Variants in KIRREL1 observed in about 807,000 individuals in gnomAD.
KIRREL1 encodes kirre like nephrin family adhesion molecule 1.
A neutral mutation model predicts 83.3 loss-of-function variants in KIRREL1; 25 were observed. That is an observed-to-expected ratio of 0.30 (90% CI 0.22 to 0.42). The LOEUF (loss-of-function observed/expected upper bound fraction) is 0.42. KIRREL1 is among the 10% of genes least tolerant of loss of function. The pLI is 1.00. For synonymous variants in KIRREL1, 388 were observed against 410.4 expected, an observed-to-expected ratio of 0.95 and a Z score of 0.66; for missense variants, 812 against 1,032.3, an observed-to-expected ratio of 0.79 and a Z score of 2.92.
chr1:158,070,257 G>A (rs1661475417), intron 1 of KIRREL1, among the ~76,000 whole-genome samples: 1 of 152,198 alleles, frequency 6.6e-6, no homozygotes, highest in South Asian at 2.1e-4. Context: ...CCATTCTGGA[G>A]AGACACCCGG....
intron 1 of KIRREL1, chr1:158,031,104 T>G (rs1168906968): frequency 2.0e-5 from 3 of 152,168 alleles, no homozygotes; most frequent in Admixed American, 2.0e-4. Context: ...AACAAAAGTG[T>G]TAATTAGACA....
intron 11 of KIRREL1, 38 bp from the exon 12 acceptor site, chr1:158,093,301 C>G: frequency 6.4e-7 from 1 of 1,556,956 alleles, no homozygotes; most frequent in Non-Finnish European, 8.9e-7. Flanking sequence ...CAGTATAACT[C>G]CAGCCTCACC....
At position 158,097,269 on chromosome 1, in the gene KIRREL1, AT is replaced by A. The variant is rs1662379155; in HGVS notation, c.*2150del. ...ATTATTTTCACAAAAACCAGAAACC[AT>A]GGGGGAATCCAAAGACTTGAAGTCT... On this transcript the variant is annotated 3_prime_UTR_variant, in exon 15 of 15. Coordinates refer to ENST00000359209, the MANE Select transcript of KIRREL1 (RefSeq NM_018240.7). The A allele has an allele frequency of 3.4e-6, 1 of 291,152 alleles. No individual in the cohort carries two copies. The highest frequency in any genetic ancestry group is 2.7e-5 in the South Asian group (1 of 36,824). The allele number at this position is 291,152 out of a possible 1,614,324, so 18.0% of individuals were successfully genotyped here.
chr1:158,024,241 G>C (rs1345313550), intron 1 of KIRREL1, among the ~76,000 whole-genome samples: 1 of 144,272 alleles, frequency 6.9e-6, no homozygotes, highest in African/African-American at 2.6e-5. Flanking sequence ...GAGCCACTGC[G>C]CCCGGCCTGG....
intron 1 of KIRREL1, among the ~76,000 whole-genome samples, chr1:158,024,617 T>C (rs1437808365): frequency 6.6e-6 from 1 of 152,114 alleles, no homozygotes; most frequent in African/African-American, 2.4e-5. Context: ...TAACAGGTAG[T>C]GTAGGAAGTG....
Position 158,069,338 on chromosome 1 carries a change from G to A in KIRREL1, c.53-6775G>A, listed in dbSNP as rs955424655. On this transcript the variant is annotated intron_variant, in intron 1 of 14. Transcript: ENST00000359209. ...TGTGTGTGTGTGTGTGTGTGTGTGTGTGTGTGAATCTAAGCATTTCCAGCC... is the reference window on the plus strand; with the variant it reads ...TGTGTGTGTGTGTGTGTGTGTGTGTATGTGTGAATCTAAGCATTTCCAGCC... Among the ~76,000 whole-genome samples, 169 of 150,376 alleles carry A rather than the reference G, an allele frequency of 1.1e-3. 1 individual carries two copies. The highest frequency in any genetic ancestry group is 3.9e-3 in the African/African-American group (160 of 40,578).
intron 1 of KIRREL1, among the ~76,000 whole-genome samples, chr1:158,047,936 C>T (rs1172982777): frequency 2.6e-5 from 4 of 152,208 alleles, no homozygotes; most frequent in African/African-American, 9.7e-5. Flanking sequence ...CTGGTTTCTG[C>T]AAAAGAATCT....
rs771817235 is a variant in KIRREL1 at position 158,093,708 on chromosome 1, G to A, written c.1665G>A (p.Glu555=). 9.9e-6 allele frequency: 16 copies of A among 1,614,214 alleles called. No individual in the cohort carries two copies. The highest frequency in any genetic ancestry group is 1.7e-5 in the Admixed American group (1 of 60,016). Residue 555 remains glutamate, a synonymous_variant, in exon 13 of 15, where the codon GAG becomes GAA. Coordinates refer to ENST00000359209, the MANE Select transcript of KIRREL1 (RefSeq NM_018240.7). ...REPLTMHSDR[E]DDTASVSTAT... ...CACTTACGATGCATTCTGACCGGGA[G>A]GATGACACCGCCAGCGTCTCCACAG... is the stretch of plus-strand genomic sequence containing the variant.
Position 158,086,717 on chromosome 1 carries a change from A to G in KIRREL1, c.632A>G (p.Lys211Arg). 1 of 1,551,376 alleles carries G rather than the reference A, an allele frequency of 6.4e-7. No homozygotes were observed. The highest frequency in any genetic ancestry group is 8.7e-7 in the Non-Finnish European group (1 of 1,146,898). The change falls in exon 5 of 15, where the codon AAG becomes AGG. Residue 211 changes from lysine (K) to arginine (R), a missense_variant. Transcript: ENST00000359209. ...RSMNEAIPSG[K>R]ETSIELDVHH... ...ATGAACGAAGCCATCCCTAGTGGCA[A>G]GGAGACTTCCATCGAGCTGGATGTG...
intron 1 of KIRREL1, among the ~76,000 whole-genome samples, chr1:158,037,567 T>G (rs1660512207): frequency 6.7e-6 from 1 of 150,214 alleles, no homozygotes; most frequent in Admixed American, 6.6e-5. Context: ...AGTGAATCAA[T>G]GTCTATAAAA....
At position 158,094,017 on chromosome 1, in the gene KIRREL1, A is replaced by G. The variant is rs979626920; in HGVS notation, c.1719+255A>G. On this transcript the variant is annotated intron_variant, in intron 13 of 14. Transcript: ENST00000359209. This position sits in a 1 kb window ranked among gnomAD's most constrained non-coding sequence, Gnocchi z 4.6. The stretch of plus-strand genomic sequence containing the variant: ...CAGTGTGTGAAAGTTGGAAGCCCCC[A>G]GAGGCTTTCTGGTCCATCTGCCTCA... Among the ~76,000 whole-genome samples, 1 of 152,234 alleles carries G rather than the reference A, an allele frequency of 6.6e-6. No homozygotes were observed. Among genetic ancestry groups the G allele is most frequent in the African/African-American group, 2.4e-5 (1 of 41,466 alleles).
chr1:158,096,979 T>A lies in KIRREL1; in HGVS notation c.*1859T>A, dbSNP rs1369327417. The A allele has an allele frequency of 2.2e-6, 1 of 456,880 alleles. No homozygotes were observed. Among genetic ancestry groups the A allele is most frequent in the Non-Finnish European group, 4.4e-6 (1 of 226,996 alleles). 28.3% of individuals were successfully genotyped at this position (456,880 alleles called of 1,614,324 possible). On this transcript the variant is annotated 3_prime_UTR_variant, in exon 15 of 15. Transcript: ENST00000359209. ...GGATGGGTCTGGGGGGCGACATTCC[T>A]GGCCAACCCCTTGTAGGAAGGACCA...
chr1:158,086,033 G>A (rs1662003174), intron 4 of KIRREL1, among the ~76,000 whole-genome samples: 1 of 152,186 alleles, frequency 6.6e-6, no homozygotes, highest in African/African-American at 2.4e-5. Flanking sequence ...CAGAAGAGAA[G>A]GGATTTGCGC....
At chr1:158,077,665 C>G (rs1661722864) in intron 2 of KIRREL1, among the ~76,000 whole-genome samples, 1 of 152,230 alleles carries the variant, frequency 6.6e-6, no homozygotes, top group Non-Finnish European at 1.5e-5. Flanking sequence ...CCCTCTCTCC[C>G]CCTCTCCTTT....
intron 10 of KIRREL1, among the ~76,000 whole-genome samples, chr1:158,090,800 A>G (rs988489058): frequency 2.0e-5 from 3 of 152,228 alleles, no homozygotes; most frequent in Non-Finnish European, 2.9e-5. Flanking sequence ...TTAGAATCAC[A>G]GACTATCAGA....
intron 1 of KIRREL1, among the ~76,000 whole-genome samples, chr1:158,040,450 A>G (rs1237846324): frequency 6.6e-6 from 1 of 152,366 alleles, no homozygotes; most frequent in South Asian, 2.1e-4. Flanking sequence ...CTACTCCAGC[A>G]AAGGTTTGAT....
rs1024619656 is a variant in KIRREL1, at chr1:158,008,922, G to A, written c.52+15194G>A. Among the ~76,000 whole-genome samples the A allele has an allele frequency of 2.0e-5, 3 of 152,146 alleles. No homozygotes were observed. The South Asian group carries it at 6.2e-4, about 32-fold the overall frequency. On this transcript the variant is annotated intron_variant, in intron 1 of 14. Coordinates refer to ENST00000359209, the MANE Select transcript of KIRREL1 (RefSeq NM_018240.7). ...GGACAGGATGTAATGGAAAAAGGGA[G>A]GGAGGGGACACCATTCCTGCTGGGC...
rs749865993 is a variant in KIRREL1 at position 158,096,971 on chromosome 1, G to A, written c.*1851G>A. 7.4e-5 allele frequency: 34 copies of A among 456,670 alleles called. No homozygotes were observed. Among genetic ancestry groups the A allele is most frequent in the Admixed American group, 7.0e-5 (3 of 42,566 alleles). 28.3% of individuals were successfully genotyped at this position (456,670 alleles called of 1,614,324 possible). The stretch of plus-strand genomic sequence containing the variant: ...ACCCTTATGGATGGGTCTGGGGGGC[G>A]ACATTCCTGGCCAACCCCTTGTAGG... On this transcript the variant is annotated 3_prime_UTR_variant, in exon 15 of 15. Coordinates refer to ENST00000359209, the MANE Select transcript of KIRREL1 (RefSeq NM_018240.7).
intron 1 of KIRREL1, among the ~76,000 whole-genome samples, chr1:157,994,422 TG>T (rs1168534202): frequency 3.4e-5 from 1 of 29,538 alleles, no homozygotes; most frequent in Non-Finnish European, 7.4e-5. Context: ...GCAGAGGCGG[TG>T]GGGGGAGGGG....
Sources: allele counts gnomAD v4.1 joint callset (sites outside exome capture counted in the v4.1 genomes callset), GRCh38; gene constraint gnomAD v4.1.1; non-coding constraint Gnocchi (gnomAD v3.1); transcripts MANE v1.5; gene names NCBI Gene and HGNC (gene_info 2026-07-23, HGNC 2026-07-21).